Variants in TRAPPC9 observed in about 807,000 individuals in gnomAD.
The protein encoded by TRAPPC9 is IKK2 binding protein.
A neutral mutation model predicts 124.0 loss-of-function variants in TRAPPC9; 83 were observed. That is an observed-to-expected ratio of 0.67 (90% CI 0.56 to 0.80). TRAPPC9 has a LOEUF of 0.80. Among genes scored for constraint, TRAPPC9 ranks in the 30% least tolerant of loss-of-function variants. The pLI, the probability that TRAPPC9 is intolerant of heterozygous loss-of-function variation, is 0.00. For synonymous variants in TRAPPC9, 638 were observed against 617.5 expected (o/e 1.03, Z -0.49); for missense variants, 1,302 against 1,508.3 (o/e 0.86, Z 2.27).
rs1041228563 is a variant in TRAPPC9, at chr8:139,959,303, A to G, written c.2810+29423T>C. ...ACACCAACAGAGGGCTTGAAACGCCAACTTCACCGAGCACTTGCTGAGGGC... is the reference window on the plus strand; with the variant it reads ...ACACCAACAGAGGGCTTGAAACGCCGACTTCACCGAGCACTTGCTGAGGGC... On this transcript the variant is annotated intron_variant, in intron 19 of 22. Transcript: ENST00000438773. 1.3e-5 allele frequency among the ~76,000 whole-genome samples: 2 copies of G among 152,252 alleles called. 1 individual carries two copies. The highest frequency in any genetic ancestry group is 2.9e-5 in the Non-Finnish European group (2 of 68,038).
chr8:139,814,365 T>C (rs1824678105), intron 21 of TRAPPC9, among the ~76,000 whole-genome samples: 1 of 151,974 alleles, frequency 6.6e-6, no homozygotes, highest in Non-Finnish European at 1.5e-5. Context: ...CCTCAAGCTG[T>C]CAGGAAATGG....
rs1186207514 is a variant in TRAPPC9, at chr8:140,097,388, C to A, written c.2557-73309G>T. On this transcript the variant is annotated intron_variant, in intron 17 of 22. Transcript: ENST00000438773. This position sits in a 1 kb window ranked among gnomAD's most constrained non-coding sequence, Gnocchi z 4.2. Reference sequence around the variant, plus strand: ...CGCCCACCTGGGTTCTTGTGCCAGCCACAGTTGTGCCACAGTCCGTAGGGT... The same window carrying A: ...CGCCCACCTGGGTTCTTGTGCCAGCAACAGTTGTGCCACAGTCCGTAGGGT... 1 of 152,236 alleles carries A rather than the reference C, an allele frequency of 6.6e-6. No homozygotes were observed. Among genetic ancestry groups the A allele is most frequent in the African/African-American group, 2.4e-5 (1 of 41,424 alleles). The allele number at this position is 152,236 out of a possible 1,614,324, so 9.4% of individuals were successfully genotyped here. A position where few individuals can be genotyped will look rare whatever the true frequency, so the allele number is the denominator to read the frequency against.
At chr8:140,373,206 C>G (rs1342823522) in intron 7 of TRAPPC9, among the ~76,000 whole-genome samples, 2 of 152,188 alleles carry the variant, frequency 1.3e-5, no homozygotes, top group Non-Finnish European at 2.9e-5. Flanking sequence ...ACAGGCTAGT[C>G]CCCTGGCTTA....
intron 21 of TRAPPC9, among the ~76,000 whole-genome samples, chr8:139,756,617 A>G (rs1194608177): frequency 0.064 from 2,262 of 35,150 alleles, no homozygotes; most frequent in East Asian, 0.083. Flanking sequence ...GTCGCAGGAG[A>G]AGCCAGGGTT....
chr8:140,196,813 C>T (rs1462191718), intron 17 of TRAPPC9, among the ~76,000 whole-genome samples: 1 of 152,168 alleles, frequency 6.6e-6, no homozygotes, highest in Non-Finnish European at 1.5e-5. Context: ...CTCAACTATC[C>T]ACTGTACAGA....
chr8:139,988,275 G>A (rs1344605471), intron 19 of TRAPPC9, among the ~76,000 whole-genome samples: 1 of 151,804 alleles, frequency 6.6e-6, no homozygotes, highest in Admixed American at 6.6e-5. Context: ...ACCATGCCCG[G>A]GTAGTTTTTG....
chr8:140,094,552 T>C (rs1054025858), intron 17 of TRAPPC9, among the ~76,000 whole-genome samples: 2 of 152,162 alleles, frequency 1.3e-5, no homozygotes, highest in African/African-American at 4.8e-5. Context: ...GTATCCACCA[T>C]GTAACCCAAC....
intron 19 of TRAPPC9, chr8:139,934,014 C>T (rs1170679242): frequency 6.6e-6 from 1 of 152,138 alleles, no homozygotes; most frequent in Non-Finnish European, 1.5e-5. Context: ...ACCATCCTGT[C>T]CATATTTCTC....
At chr8:139,980,318 C>T (rs1836804180) in intron 19 of TRAPPC9, among the ~76,000 whole-genome samples, 1 of 152,168 alleles carries the variant, frequency 6.6e-6, no homozygotes, top group African/African-American at 2.4e-5. Context: ...CTGACCAATG[C>T]CAGGAGAACT....
At chr8:140,200,435 T>C (rs1229982205) in intron 17 of TRAPPC9, among the ~76,000 whole-genome samples, 2 of 151,978 alleles carry the variant, frequency 1.3e-5, no homozygotes, top group Admixed American at 6.6e-5. Context: ...AGGAAGAGAA[T>C]ATAGAAAGGG....
intron 21 of TRAPPC9, among the ~76,000 whole-genome samples, chr8:139,854,399 C>T (rs953152246): frequency 2.0e-5 from 3 of 152,240 alleles, no homozygotes; most frequent in Non-Finnish European, 2.9e-5. Flanking sequence ...CCTCACTCTG[C>T]CACTTGCCAG....
chr8:140,265,061 C>T (rs907240325), intron 15 of TRAPPC9, among the ~76,000 whole-genome samples: 73 of 152,250 alleles, frequency 4.8e-4, no homozygotes, highest in African/African-American at 1.7e-3. Context: ...CAACCCGAAG[C>T]GACAGAGGCA....
intron 8 of TRAPPC9, among the ~76,000 whole-genome samples, chr8:140,364,166 T>C (rs1177571301): frequency 2.0e-5 from 3 of 151,616 alleles, no homozygotes; most frequent in African/African-American, 4.8e-5. Context: ...CAGTCTTAAA[T>C]GTTACAGATA....
intron 10 of TRAPPC9, among the ~76,000 whole-genome samples, chr8:140,307,513 G>A (rs1396808914): frequency 6.6e-6 from 1 of 152,196 alleles, no homozygotes; most frequent in Non-Finnish European, 1.5e-5. Flanking sequence ...GACCCAAAAT[G>A]TCAACAAAGA....
chr8:139,885,579 A>C (rs1199636015), intron 21 of TRAPPC9, among the ~76,000 whole-genome samples: 3 of 152,218 alleles, frequency 2.0e-5, no homozygotes, highest in Admixed American at 6.5e-5. Context: ...CACCAAGTGC[A>C]AGTCAAGATG....
At chr8:139,753,472 A>G (rs919327716) in intron 21 of TRAPPC9, among the ~76,000 whole-genome samples, 3 of 152,046 alleles carry the variant, frequency 2.0e-5, no homozygotes, top group African/African-American at 7.2e-5. Flanking sequence ...AGATTTCCCA[A>G]TAGCCGTTCA....
intron 17 of TRAPPC9, among the ~76,000 whole-genome samples, chr8:140,129,006 A>T (rs1401005029): frequency 2.8e-4 from 23 of 82,866 alleles, no homozygotes; most frequent in South Asian, 8.7e-4. Flanking sequence ...TATATATATT[A>T]AAAAAAAAAA....
chr8:140,393,086 T>TATTTTATTTTATTTTATTTTATTTTA (rs1563994744), intron 7 of TRAPPC9, among the ~76,000 whole-genome samples: 1 of 147,556 alleles, frequency 6.8e-6, no homozygotes, highest in Admixed American at 6.8e-5. Flanking sequence ...TATTTTATTT[T>TATTTTATTTTATTTTATTTTATTTTA]TTTAGATGGA....
At chr8:140,447,974 G>A (rs887844107) in intron 2 of TRAPPC9, among the ~76,000 whole-genome samples, 6 of 151,888 alleles carry the variant, frequency 4.0e-5, no homozygotes, top group African/African-American at 7.3e-5. Context: ...GTGAAACCCT[G>A]TCTCTACTAA....
Sources: allele counts gnomAD v4.1 joint callset (sites outside exome capture counted in the v4.1 genomes callset), GRCh38; gene constraint gnomAD v4.1.1; non-coding constraint Gnocchi (gnomAD v3.1); transcripts MANE v1.5; gene names NCBI Gene and HGNC (gene_info 2026-07-23, HGNC 2026-07-21).